The following ZMYND11 variants were observed in gnomAD, a reference collection of about 807,000 sequenced individuals.
ZMYND11 encodes zinc finger MYND domain-containing protein 11.
ZMYND11 carries 9 observed loss-of-function variants against 84.9 expected under a neutral mutation model. That is an observed-to-expected ratio of 0.11 (90% CI 0.06 to 0.18). ZMYND11 has a LOEUF of 0.18. Among genes scored for constraint, ZMYND11 ranks in the 10% least tolerant of loss-of-function variants. ZMYND11 has a pLI of 1.00. For missense variants in ZMYND11, 409 were observed against 761.0 expected, an observed-to-expected ratio of 0.54 and a Z score of 5.44; for synonymous variants, 250 against 244.1, an observed-to-expected ratio of 1.02 and a Z score of -0.23.
intron 1 of ZMYND11, among the ~76,000 whole-genome samples, chr10:139,090 G>A (rs1554753269): frequency 6.6e-6 from 1 of 152,160 alleles, no homozygotes. Context: ...ATAGGCATGA[G>A]CCACTGTGCC....
At chr10:241,102 A>G in intron 9 of ZMYND11, 132 bp downstream of exon 9, 1 of 597,222 alleles carries the variant, frequency 1.7e-6, no homozygotes, top group Non-Finnish European at 2.8e-6. Flanking sequence ...ATGAGTATAA[A>G]CAACTGAAAA....
intron 2 of ZMYND11, among the ~76,000 whole-genome samples, chr10:181,444 C>A (rs1160847682): frequency 6.6e-6 from 1 of 152,168 alleles, no homozygotes; most frequent in Non-Finnish European, 1.5e-5. Flanking sequence ...CATGGTGAAA[C>A]CCTGTCTCTG....
chr10:234,398 C>T (rs1303267400), intron 4 of ZMYND11, among the ~76,000 whole-genome samples: 2 of 152,172 alleles, frequency 1.3e-5, no homozygotes, highest in Non-Finnish European at 2.9e-5. Context: ...GGGATTCCTG[C>T]CTTGTTGAAA....
chr10:139,793 C>T (rs185299722), intron 1 of ZMYND11, among the ~76,000 whole-genome samples: 13 of 141,434 alleles, frequency 9.2e-5, no homozygotes, highest in African/African-American at 3.1e-4. Context: ...CTCACTACAA[C>T]CTCCACCTCC....
chr10:173,730 T>A (rs1404097550), intron 1 of ZMYND11, among the ~76,000 whole-genome samples: 12 of 151,418 alleles, frequency 7.9e-5, no homozygotes, highest in East Asian at 3.9e-4. Flanking sequence ...AAAAAAAAAA[T>A]TTTTTTAAGG....
intron 2 of ZMYND11, among the ~76,000 whole-genome samples, chr10:191,850 C>G (rs1478299385): frequency 6.6e-6 from 1 of 152,082 alleles, no homozygotes; most frequent in Non-Finnish European, 1.5e-5. Flanking sequence ...CATTGCTTGG[C>G]CACCGTAAGT....
At chr10:161,391 T>C (rs1019729652) in intron 1 of ZMYND11, among the ~76,000 whole-genome samples, 37 of 152,228 alleles carry the variant, frequency 2.4e-4, no homozygotes, top group African/African-American at 8.2e-4. Flanking sequence ...AGAGTAGATA[T>C]AGCATAATTC....
At chr10:240,143 T>C (rs780406573) in intron 8 of ZMYND11, 32 bp downstream of exon 8, 3 of 1,475,328 alleles carry the variant, frequency 2.0e-6, no homozygotes, top group Middle Eastern at 1.8e-4. Flanking sequence ...TTATACTCTT[T>C]CTATAACTGA....
intron 1 of ZMYND11, among the ~76,000 whole-genome samples, chr10:160,972 T>A (rs1842827662): frequency 1.8e-5 from 1 of 56,556 alleles, no homozygotes; most frequent in Admixed American, 1.7e-4. Context: ...TTTTTTTTTT[T>A]TTTTTTTGAG....
intron 1 of ZMYND11, among the ~76,000 whole-genome samples, chr10:155,366 T>C (rs1841448809): frequency 6.6e-6 from 1 of 152,152 alleles, no homozygotes; most frequent in African/African-American, 2.4e-5. Context: ...AAAGAATTTT[T>C]GGCTGGGTAT....
At chr10:188,103 T>G (rs1352832799) in intron 2 of ZMYND11, among the ~76,000 whole-genome samples, 1 of 152,158 alleles carries the variant, frequency 6.6e-6, no homozygotes, top group African/African-American at 2.4e-5. Context: ...ATCAGTTTTG[T>G]GTAATTTGAA....
At chr10:230,897 C>T (rs889309133) in intron 4 of ZMYND11, among the ~76,000 whole-genome samples, 29 of 152,194 alleles carry the variant, frequency 1.9e-4, no homozygotes, top group African/African-American at 2.6e-4. Flanking sequence ...TGCTATGCAC[C>T]GCTGAAATTG....
chr10:249,653 A>C (rs1952931069), intron 14 of ZMYND11: 5 of 985,226 alleles, frequency 5.1e-6, no homozygotes, highest in Non-Finnish European at 3.6e-6. Flanking sequence ...CTAGAGTGGG[A>C]GCTTCTGAGT....
upstream of ZMYND11, among the ~76,000 whole-genome samples, chr10:131,658 G>A (rs1473452011): frequency 6.6e-6 from 1 of 151,970 alleles, no homozygotes; most frequent in East Asian, 1.9e-4. Flanking sequence ...TCGAGTAGCT[G>A]CGACTACAGG....
chr10:191,524 A>C (rs931639611), intron 2 of ZMYND11, among the ~76,000 whole-genome samples: 2 of 152,214 alleles, frequency 1.3e-5, no homozygotes, highest in East Asian at 3.9e-4. Flanking sequence ...GGAAGAACCA[A>C]GTGCTTCAGG....
At chr10:233,486 G>GTAAT (rs1292822524) in intron 4 of ZMYND11, among the ~76,000 whole-genome samples, 1 of 152,170 alleles carries the variant, frequency 6.6e-6, no homozygotes, top group African/African-American at 2.4e-5. Flanking sequence ...TGGTCCTAAC[G>GTAAT]TAATAAACAC....
intron 6 of ZMYND11, among the ~76,000 whole-genome samples, chr10:238,449 C>G (rs1489778816): frequency 3.3e-5 from 5 of 152,114 alleles, no homozygotes; most frequent in African/African-American, 9.6e-5. Context: ...CTCTGCCTCC[C>G]GGGTTCACGC....
chr10:171,450 AATAAT>A (rs1381013642), intron 1 of ZMYND11, among the ~76,000 whole-genome samples: 11 of 152,190 alleles, frequency 7.2e-5, no homozygotes, highest in Non-Finnish European at 8.8e-5. Context: ...ACTTAATAGA[AATAAT>A]ATATCTGCTG....
At chr10:186,271 A>G (rs1246530193) in intron 2 of ZMYND11, among the ~76,000 whole-genome samples, 1 of 151,454 alleles carries the variant, frequency 6.6e-6, no homozygotes, top group African/African-American at 2.4e-5. Flanking sequence ...TCGGCCTCCC[A>G]AAGTGCTGGG....
Sources: gnomAD v4.1 joint callset for allele counts (sites outside exome capture counted in the v4.1 genomes callset) on GRCh38, gnomAD v4.1.1 for gene constraint, MANE v1.5 for transcripts, NCBI Gene and HGNC (gene_info 2026-07-23, HGNC 2026-07-21) for gene names.